NTRK2: variants seen among roughly 807,000 people sequenced by gnomAD.
NTRK2 encodes the protein BDNF/NT-3 growth factors receptor.
NTRK2 carries 13 observed loss-of-function variants against 94.5 expected under a neutral mutation model. The observed-to-expected ratio is 0.14, with a 90% CI of 0.09 to 0.22. The LOEUF (loss-of-function observed/expected upper bound fraction) is 0.22, where lower values mean the gene tolerates loss of function less well. Ranked by LOEUF, NTRK2 falls within the 10% of genes least tolerant of loss-of-function variation. The pLI is 1.00. For missense variants in NTRK2, 639 were observed against 1,071.2 expected (o/e 0.60, Z 5.63); for synonymous variants, 372 against 407.4 (o/e 0.91, Z 1.05).
At chr9:84,840,550 G>A (rs561968735) in intron 12 of NTRK2, among the ~76,000 whole-genome samples, 1 of 151,908 alleles carries the variant, frequency 6.6e-6, no homozygotes, top group African/African-American at 2.4e-5. Flanking sequence ...CATCACCCCA[G>A]CCATTGTCCA....
At chr9:84,709,541 T>C (rs534706311) in intron 5 of NTRK2, among the ~76,000 whole-genome samples, 1 of 152,212 alleles carries the variant, frequency 6.6e-6, no homozygotes, top group Non-Finnish European at 1.5e-5. Context: ...GACCACATTT[T>C]CCCCTAAGAA....
rs143375424 is a variant in NTRK2 at position 84,804,778 on chromosome 9, G to A, written c.1396+52693G>A. Among the ~76,000 whole-genome samples, 192 of 152,306 alleles carry A rather than the reference G, an allele frequency of 1.3e-3. 2 individuals carry two copies. Among genetic ancestry groups the A allele is most frequent in the Admixed American group, 2.5e-3 (38 of 15,298 alleles). On this transcript the variant is annotated intron_variant, in intron 12 of 18. Coordinates refer to ENST00000277120, the MANE Select transcript of NTRK2 (RefSeq NM_006180.6). ...CCCTCTAGACTTAGAATTGTGGAAT[G>A]ACATCTTTAAGAAAATGTCATTTCA...
chr9:84,836,934 G>GTATAATATAA (rs56390905), intron 12 of NTRK2, among the ~76,000 whole-genome samples: 6,897 of 134,086 alleles, frequency 0.051, 210 homozygotes, highest in East Asian at 0.089. Context: ...TTGTCGTAGA[G>GTATAATATAA]TATAATATAA....
chr9:84,742,328 T>C (rs2063709740), intron 10 of NTRK2, among the ~76,000 whole-genome samples: 1 of 152,188 alleles, frequency 6.6e-6, no homozygotes, highest in Admixed American at 6.5e-5. Context: ...GGCTCACAGA[T>C]GGGAACCTCA....
chr9:84,846,857 G>A (rs537627740), intron 12 of NTRK2, among the ~76,000 whole-genome samples: 7 of 152,284 alleles, frequency 4.6e-5, no homozygotes, highest in South Asian at 4.1e-4. Flanking sequence ...GACTCGCATC[G>A]TTCCCAGCAA....
chr9:84,831,005 A>T (rs1327825124), intron 12 of NTRK2, among the ~76,000 whole-genome samples: 1 of 152,214 alleles, frequency 6.6e-6, no homozygotes, highest in Non-Finnish European at 1.5e-5. Context: ...GGATTTCTTC[A>T]TGGAGTTAAC....
intron 14 of NTRK2, chr9:84,874,780 G>T: frequency 9.4e-7 from 1 of 1,058,910 alleles, no homozygotes; most frequent in Admixed American, 5.4e-5. Flanking sequence ...CCTTTGTTTG[G>T]GTTTGCTTCC....
intron 12 of NTRK2, among the ~76,000 whole-genome samples, chr9:84,801,658 A>C (rs1274009409): frequency 6.6e-6 from 1 of 152,188 alleles, no homozygotes; most frequent in Non-Finnish European, 1.5e-5. Flanking sequence ...AAGGCAGGCC[A>C]GGCTATGCTA....
At chr9:84,893,858 T>G (rs1202895189) in intron 14 of NTRK2, among the ~76,000 whole-genome samples, 1 of 152,132 alleles carries the variant, frequency 6.6e-6, no homozygotes, top group Non-Finnish European at 1.5e-5. Context: ...TTAAGAGGCT[T>G]TTCCACACCT....
intron 12 of NTRK2, among the ~76,000 whole-genome samples, chr9:84,828,177 A>G (rs2073306129): frequency 6.6e-6 from 1 of 152,208 alleles, no homozygotes; most frequent in Non-Finnish European, 1.5e-5. Context: ...ACAAATGTCT[A>G]TAATTACATT....
At chr9:84,930,325 C>T (rs981928885) in intron 14 of NTRK2, among the ~76,000 whole-genome samples, 1 of 152,136 alleles carries the variant, frequency 6.6e-6, no homozygotes, top group Non-Finnish European at 1.5e-5. Context: ...GAGCTCGGCC[C>T]CTGAGAAGGA....
chr9:84,820,713 G>T (rs922775151), intron 12 of NTRK2, among the ~76,000 whole-genome samples: 5 of 152,118 alleles, frequency 3.3e-5, no homozygotes, highest in Non-Finnish European at 7.3e-5. Flanking sequence ...TCCAACCTGC[G>T]TTGTTCAAGG....
intron 12 of NTRK2, among the ~76,000 whole-genome samples, chr9:84,804,203 T>G (rs1166025965): frequency 6.6e-6 from 1 of 152,092 alleles, no homozygotes; most frequent in Admixed American, 6.6e-5. Flanking sequence ...ATTATCTCTA[T>G]TTTTACTCTT....
chr9:84,771,608 G>A (rs998343001), intron 12 of NTRK2, among the ~76,000 whole-genome samples: 4 of 152,116 alleles, frequency 2.6e-5, no homozygotes, highest in African/African-American at 2.4e-5. Context: ...AGCATTTATC[G>A]CAGACTGTAC....
chr9:84,845,264 C>CACACAA (rs2074410466), intron 12 of NTRK2, among the ~76,000 whole-genome samples: 1 of 151,898 alleles, frequency 6.6e-6, no homozygotes. Flanking sequence ...CACACACACA[C>CACACAA]ACACACACAC....
chr9:84,945,532 G>T (rs911339058), intron 15 of NTRK2, among the ~76,000 whole-genome samples: 4 of 152,068 alleles, frequency 2.6e-5, no homozygotes, highest in African/African-American at 9.7e-5. Context: ...TACCTCATCT[G>T]CTATTTTTCT....
Position 84,948,477 on chromosome 9 carries a change from A to T in NTRK2, c.1780A>T (p.Ser594Cys), listed in dbSNP as rs746983050. The change falls in exon 16 of 19, where the codon AGT (serine) becomes TGT (cysteine). Residue 594 changes from serine to cysteine, a missense_variant. Ser to Cys is a moderately radical substitution (Grantham distance 112, BLOSUM62 -1). This residue lies in a region of NTRK2 where 343 missense variants were observed against 571.5 expected (regional missense o/e 0.60). Transcript: ENST00000277120. Reference sequence around the variant, plus strand: ...CCATCCCCAGACCCTGAAGGATGCCAGTGACAATGCACGCAAGGACTTCCA... The same window carrying T: ...CCATCCCCAGACCCTGAAGGATGCCTGTGACAATGCACGCAAGGACTTCCA... ...LVAVKTLKDASDNARKDFHRE... is the reference protein window; with the variant it reads ...LVAVKTLKDACDNARKDFHRE... The T allele has an allele frequency of 6.2e-7, 1 of 1,614,184 alleles. No individual in the cohort carries two copies. Among genetic ancestry groups the T allele is most frequent in the Non-Finnish European group, 8.5e-7 (1 of 1,180,026 alleles).
intron 14 of NTRK2, among the ~76,000 whole-genome samples, chr9:84,905,275 GGTGTGTGTGTGT>G (rs58470162): frequency 6.8e-6 from 1 of 147,962 alleles, no homozygotes; most frequent in East Asian, 2.1e-4. Context: ...GGTTTTAGAG[GGTGTGTGTGTGT>G]GTGTGTGTGT....
At chr9:84,726,256 G>A (rs918540704) in intron 8 of NTRK2, among the ~76,000 whole-genome samples, 21 of 152,184 alleles carry the variant, frequency 1.4e-4, no homozygotes, top group African/African-American at 4.8e-4. Context: ...GGAGGCCGAG[G>A]CGGGTGGATC....
Sources: gnomAD v4.1 joint callset for allele counts (sites outside exome capture counted in the v4.1 genomes callset) on GRCh38, gnomAD v4.1.1 for gene constraint, gnomAD v4.1.1 regional missense constraint, MANE v1.5 for transcripts, NCBI Gene and HGNC (gene_info 2026-07-23, HGNC 2026-07-21) for gene names.